STOX2: variants seen among roughly 807,000 people sequenced by gnomAD.
The protein encoded by STOX2 is storkhead-box protein 2.
STOX2 carries 28 observed loss-of-function variants against 60.9 expected under a neutral mutation model. The observed-to-expected ratio is 0.46, with a 90% CI of 0.34 to 0.63. The LOEUF (loss-of-function observed/expected upper bound fraction) is 0.63, where lower values mean the gene tolerates loss of function less well. Among genes scored for constraint, STOX2 ranks in the 30% least tolerant of loss-of-function variants. The pLI is 0.01. For missense variants in STOX2, 1,024 were observed against 1,187.7 expected (o/e 0.86, Z 2.03); for synonymous variants, 472 against 463.9 (o/e 1.02, Z -0.22).
At chr4:183,971,605 C>T (rs906356752) in intron 1 of STOX2, among the ~76,000 whole-genome samples, 1 of 152,124 alleles carries the variant, frequency 6.6e-6, no homozygotes, top group Non-Finnish European at 1.5e-5. Flanking sequence ...CCATATCTGT[C>T]CACTATTATC....
chr4:183,856,605 A>G lies in STOX2; in HGVS notation c.364+58550A>G, dbSNP rs987309028. On this transcript the variant is annotated intron_variant, in intron 1 of 2. Transcript: ENST00000513034. The surrounding 1 kb of genome is among the most constrained non-coding windows in gnomAD (Gnocchi z 4.0). ...CAGCCACCTGCCCCTGGCTGACTGC[A>G]GCTAATGGTAGGGTGGTTCATGTGA... is the stretch of plus-strand genomic sequence containing the variant. 2.6e-5 allele frequency among the ~76,000 whole-genome samples: 4 copies of G among 152,182 alleles called. No individual in the cohort carries two copies. Among genetic ancestry groups the G allele is most frequent in the African/African-American group, 9.7e-5 (4 of 41,444 alleles).
intron 1 of STOX2, among the ~76,000 whole-genome samples, chr4:183,948,218 CAAAAAAAAAAAAAAA>C (rs760286920): frequency 1.0e-4 from 3 of 29,878 alleles, no homozygotes; most frequent in African/African-American, 1.3e-4. Flanking sequence ...AACTCCATCT[CAAAAAAAAAAAAAAA>C]AAAAAAAAAA....
intron 1 of STOX2, among the ~76,000 whole-genome samples, chr4:183,899,250 A>T (rs1741410583): frequency 6.6e-6 from 1 of 152,158 alleles, no homozygotes; most frequent in African/African-American, 2.4e-5. Context: ...TATTGAAACT[A>T]GGCCAATTAA....
intron 1 of STOX2, among the ~76,000 whole-genome samples, chr4:183,858,145 C>G (rs1353090412): frequency 1.3e-5 from 2 of 152,204 alleles, no homozygotes; most frequent in Non-Finnish European, 2.9e-5. Context: ...CCATGCCTGA[C>G]CTCACTGCAC....
In STOX2 at chr4:184,017,086, T is replaced by C. The variant is rs1437729470; in HGVS notation, c.2586-3T>C. On this transcript the variant is annotated splice_polypyrimidine_tract_variant and splice_region_variant and intron_variant, in intron 3 of 3. Transcript: ENST00000308497. Reference sequence around the variant, plus strand: ...ACAAAACAAACCCTTTTTGCTCTTTTAGTACTCGGGAGAGCCTGGCTTCCA... The same window carrying C: ...ACAAAACAAACCCTTTTTGCTCTTTCAGTACTCGGGAGAGCCTGGCTTCCA... 4 of 1,600,548 alleles carry C rather than the reference T, an allele frequency of 2.5e-6. No homozygotes were observed. Among genetic ancestry groups the C allele is most frequent in the South Asian group, 2.3e-5 (2 of 88,696 alleles).
chr4:183,862,929 G>A (rs1207591110), intron 1 of STOX2, among the ~76,000 whole-genome samples: 2 of 152,146 alleles, frequency 1.3e-5, no homozygotes, highest in Non-Finnish European at 2.9e-5. Flanking sequence ...CAGACAGGAG[G>A]TGACAGACAC....
At chr4:183,875,409 G>A (rs983662337) in intron 1 of STOX2, among the ~76,000 whole-genome samples, 5 of 152,154 alleles carry the variant, frequency 3.3e-5, no homozygotes, top group East Asian at 1.9e-4. Flanking sequence ...TAGCACTTCC[G>A]CAGAGGCCAG....
intron 1 of STOX2, among the ~76,000 whole-genome samples, chr4:183,914,060 A>G (rs1038556030): frequency 6.6e-5 from 10 of 152,232 alleles, no homozygotes; most frequent in African/African-American, 9.6e-5. Flanking sequence ...TCAACTAGGT[A>G]CTACCCAGAA....
At chr4:183,996,585 C>T (rs1238924355) in intron 1 of STOX2, among the ~76,000 whole-genome samples, 3 of 152,126 alleles carry the variant, frequency 2.0e-5, no homozygotes, top group Admixed American at 6.5e-5. Flanking sequence ...CTAGTTGGCT[C>T]GTTAAGCAGG....
Position 184,011,175 on chromosome 4 carries a change from T to C in STOX2, c.2337T>C (p.Asp779=), listed in dbSNP as rs1734151359. 2 of 1,588,962 alleles carry C rather than the reference T, an allele frequency of 1.3e-6. No homozygotes were observed. The highest frequency in any genetic ancestry group is 1.7e-6 in the Non-Finnish European group (2 of 1,169,438). ...ASFDYYNVSD[D]DDSEEGANKN... is the part of the protein sequence containing the mutation. ...TTGACTATTACAACGTCTCTGATGA[T>C]GACGACTCTGAGGAAGGGGCAAACA... The change falls in exon 3 of 4, where the codon GAT becomes GAC. Residue 779 remains aspartate, a synonymous_variant. Transcript: ENST00000308497. This position sits in a 1 kb window ranked among gnomAD's most constrained non-coding sequence, Gnocchi z 4.4.
chr4:183,906,932 G>C lies in STOX2; in HGVS notation c.142G>C (p.Ala48Pro), dbSNP rs1250854959. 18 of 1,548,260 alleles carry C rather than the reference G, an allele frequency of 1.2e-5. No homozygotes were observed. The highest frequency in any genetic ancestry group is 6.1e-6 in the Non-Finnish European group (7 of 1,144,986). The change falls in exon 1 of 4, where the codon GCT (alanine) becomes CCT (proline). Residue 48 changes from alanine to proline, a missense_variant. Ala to Pro is a conservative substitution (Grantham distance 27). This residue lies in a region of STOX2 where 98 missense variants were observed against 110.2 expected (regional missense o/e 0.89). Coordinates refer to ENST00000308497, the MANE Select transcript of STOX2 (RefSeq NM_020225.3). ...TTTCCCCGCGGCCTTCGCGCCCCAG[G>C]CTTCGCGGGGCTACATGACATCAGG... ...KRFPAAFAPQ[A>P]SRGYMTSGDV...
chr4:183,880,716 A>G (rs1017401072), intron 1 of STOX2, among the ~76,000 whole-genome samples: 5 of 152,266 alleles, frequency 3.3e-5, no homozygotes, highest in Non-Finnish European at 7.3e-5. Flanking sequence ...AAGAGACAGC[A>G]GAAAGCCTTG....
In STOX2 at chr4:183,817,334, G is replaced by A. The variant is rs113404257; in HGVS notation, c.364+19279G>A. On this transcript the variant is annotated intron_variant, in intron 1 of 2. Coordinates refer to the STOX2 transcript ENST00000513034. ...AAGAACGTGCCACACACCCGGAGGC[G>A]TGCCTTGCTTTGCAACCCTTTGCAT... 2.2e-3 allele frequency among the ~76,000 whole-genome samples: 342 copies of A among 152,322 alleles called. 8 individuals carry two copies. Among genetic ancestry groups the A allele is most frequent in the African/African-American group, 7.6e-3 (316 of 41,568 alleles).
chr4:183,798,549 G>T, intron 1 of STOX2: 2 of 904,728 alleles, frequency 2.2e-6, no homozygotes, highest in Non-Finnish European at 2.6e-6. Context: ...TGCGGGGGAC[G>T]CGCCGGGAAG....
At chr4:183,999,700 C>T (rs1733503205) in intron 1 of STOX2, among the ~76,000 whole-genome samples, 1 of 152,188 alleles carries the variant, frequency 6.6e-6, no homozygotes, top group South Asian at 2.1e-4. Context: ...ATCTTTGTCC[C>T]AGGCCCTGCT....
intron 1 of STOX2, among the ~76,000 whole-genome samples, chr4:183,833,969 G>T (rs1739638579): frequency 8.0e-6 from 1 of 125,110 alleles, no homozygotes; most frequent in South Asian, 2.6e-4. Flanking sequence ...GCGACAGAGT[G>T]AGACTCCGTC....
intron 1 of STOX2, among the ~76,000 whole-genome samples, chr4:183,830,358 A>G (rs1579311784): frequency 6.6e-6 from 1 of 152,216 alleles, no homozygotes; most frequent in Non-Finnish European, 1.5e-5. Context: ...ATTACATTCT[A>G]GGTGCACTGA....
chr4:183,803,685 G>C (rs1326035745), intron 1 of STOX2, among the ~76,000 whole-genome samples: 1 of 152,188 alleles, frequency 6.6e-6, no homozygotes, highest in East Asian at 1.9e-4. Flanking sequence ...GAAATGGTCT[G>C]GGCGTAGTGG....
At chr4:183,818,692 C>T (rs902076359) in intron 1 of STOX2, among the ~76,000 whole-genome samples, 2 of 151,866 alleles carry the variant, frequency 1.3e-5, no homozygotes, top group African/African-American at 4.8e-5. Context: ...GCGCCCCCCA[C>T]CTCCCGGACG....
Sources: gnomAD v4.1 joint callset for allele counts (sites outside exome capture counted in the v4.1 genomes callset) on GRCh38, gnomAD v4.1.1 for gene constraint, gnomAD v4.1.1 regional missense constraint, Gnocchi (gnomAD v3.1) non-coding constraint, MANE v1.5 for transcripts, NCBI Gene and HGNC (gene_info 2026-07-23, HGNC 2026-07-21) for gene names.